Variants in CASP4 observed in about 807,000 individuals in gnomAD.
The protein encoded by CASP4 is caspase 4.
A neutral mutation model predicts 41.3 loss-of-function variants in CASP4; 29 were observed. The observed-to-expected ratio is 0.70, with a 90% confidence interval of 0.52 to 0.96. The LOEUF is 0.96. CASP4 is among the 40% of genes least tolerant of loss of function. The pLI, the probability that CASP4 is intolerant of heterozygous loss-of-function variation, is 0.00. For synonymous variants in CASP4, 185 were observed against 158.4 expected (o/e 1.17, Z -1.26); for missense variants, 447 against 460.6 (o/e 0.97, Z 0.27).
At chr11:104,949,817 C>T (rs777350742) in intron 4 of CASP4, 40 bp from the exon 5 acceptor site, 6 of 1,591,570 alleles carry the variant, frequency 3.8e-6, no homozygotes, top group Middle Eastern at 1.7e-4. Context: ...AGAGAAGCAT[C>T]ACAATTAAAG....
rs72978981 is a variant in CASP4, at chr11:104,968,573, G to C, written c.-48C>G. ...TTACAGCGTTGGAAAGAGCCTCAGA[G>C]TCAAAAATGAAAGTAAACTATGTAT... On this transcript the variant is annotated 5_prime_UTR_variant, in exon 1 of 9. Coordinates refer to ENST00000444739, the MANE Select transcript of CASP4 (RefSeq NM_001225.4). The C allele has an allele frequency of 0.049, 78,202 of 1,602,894 alleles. 2,322 individuals are homozygous for C. The highest frequency in any genetic ancestry group is 0.1 in the South Asian group (9,120 of 90,664).
intron 6 of CASP4, 180 bp from the exon 7 acceptor site, chr11:104,947,372 C>A (rs1860490463): frequency 5.0e-6 from 2 of 402,102 alleles, no homozygotes; most frequent in Non-Finnish European, 4.4e-6. Context: ...AACAGAAAAC[C>A]TAGCAAAAGG....
At chr11:104,963,673 C>A (rs766342284) in intron 1 of CASP4, among the ~76,000 whole-genome samples, 1 of 152,182 alleles carries the variant, frequency 6.6e-6, no homozygotes, top group Non-Finnish European at 1.5e-5. Context: ...GGAAACATCC[C>A]CATGCCTGAC....
At chr11:104,948,914 G>C (rs1488532991) in intron 5 of CASP4, 6 of 328,986 alleles carry the variant, frequency 1.8e-5, no homozygotes, top group African/African-American at 1.3e-4. Context: ...CCATTTTCTA[G>C]AAAAAAAATC....
chr11:104,943,976 G>A (rs1314764008), intron 8 of CASP4: 1 of 152,184 alleles, frequency 6.6e-6, no homozygotes, highest in Non-Finnish European at 1.5e-5. Context: ...AAGCTATTAT[G>A]AGTGAAGAAA....
chr11:104,944,446 A>G, intron 8 of CASP4: 1 of 294,972 alleles, frequency 3.4e-6, no homozygotes, highest in South Asian at 4.1e-5. Context: ...GAATATAAAT[A>G]GTAATGGAAG....
intron 1 of CASP4, among the ~76,000 whole-genome samples, chr11:104,966,934 G>C (rs1002126932): frequency 1.3e-5 from 2 of 152,174 alleles, no homozygotes; most frequent in Non-Finnish European, 2.9e-5. Context: ...AAATCAGAGA[G>C]AGTGCATGAA....
At chr11:104,955,174 A>T (rs1402534656) in intron 1 of CASP4, among the ~76,000 whole-genome samples, 173 bp from the exon 2 acceptor site, 1 of 152,070 alleles carries the variant, frequency 6.6e-6, no homozygotes, top group African/African-American at 2.4e-5. Context: ...CAGGTTGTTT[A>T]ACAATTTATT....
chr11:104,951,761 C>T (rs1860618341), intron 3 of CASP4, 135 bp downstream of exon 3: 2 of 697,874 alleles, frequency 2.9e-6, no homozygotes, highest in South Asian at 1.5e-5. Flanking sequence ...ATAATCTTTC[C>T]CTTAGTAAAA....
chr11:104,949,067 T>A (rs1352308079), intron 5 of CASP4: 2 of 218,990 alleles, frequency 9.1e-6, no homozygotes, highest in East Asian at 2.1e-4. Context: ...CATGAGGCAA[T>A]TGAATCTTTG....
At chr11:104,955,700 T>A (rs367616009) in intron 1 of CASP4, among the ~76,000 whole-genome samples, 4 of 152,248 alleles carry the variant, frequency 2.6e-5, no homozygotes, top group South Asian at 4.1e-4. Flanking sequence ...TTTGACACCA[T>A]GTTAATGTAT....
At chr11:104,954,716 G>C (rs750340377) in intron 2 of CASP4, 31 bp downstream of exon 2, 10 of 1,601,904 alleles carry the variant, frequency 6.2e-6, no homozygotes, top group Non-Finnish European at 7.7e-6. Flanking sequence ...AGGGAAAATT[G>C]AGACATTCAT....
At chr11:104,964,875 C>G (rs1860938496) in intron 1 of CASP4, among the ~76,000 whole-genome samples, 1 of 152,098 alleles carries the variant, frequency 6.6e-6, no homozygotes, top group Non-Finnish European at 1.5e-5. Context: ...GAACAGAGTT[C>G]CATCAAAGCC....
chr11:104,948,826 A>ACACACT, intron 5 of CASP4, 150 bp from the exon 6 acceptor site: 1 of 469,356 alleles, frequency 2.1e-6, no homozygotes, highest in East Asian at 3.2e-5. Flanking sequence ...AGAGACACAC[A>ACACACT]CACACACACA....
At chr11:104,966,085 A>G (rs1860968563) in intron 1 of CASP4, among the ~76,000 whole-genome samples, 1 of 152,186 alleles carries the variant, frequency 6.6e-6, no homozygotes, top group South Asian at 2.1e-4. Flanking sequence ...GACTGATTTA[A>G]GTAATAATAA....
At chr11:104,950,526 C>T (rs760948271) in intron 4 of CASP4, among the ~76,000 whole-genome samples, 1 of 152,030 alleles carries the variant, frequency 6.6e-6, no homozygotes, top group African/African-American at 2.4e-5. Context: ...AACTTCCTGT[C>T]TCATTTACAG....
intron 5 of CASP4, 21 bp downstream of exon 5, chr11:104,949,522 A>G (rs1185522048): frequency 6.2e-7 from 1 of 1,609,280 alleles, no homozygotes; most frequent in Non-Finnish European, 8.5e-7. Flanking sequence ...TAACTGTTAG[A>G]TGTTCAGTCT....
rs371021310 is a variant in CASP4 at position 104,947,485 on chromosome 11, C to T, written c.926-293G>A. 7 of 193,764 alleles carry T rather than the reference C, an allele frequency of 3.6e-5. No homozygotes were observed. The East Asian group carries it at 6.9e-4, about 19-fold the overall frequency. The allele number at this position is 193,764 out of a possible 1,614,324, so 12.0% of individuals were successfully genotyped here. On this transcript the variant is annotated intron_variant, in intron 6 of 8. Transcript: ENST00000444739. ...ACTACAAAACTCATGTTCATTCTCT[C>T]AGCTTTTATAGGGGCTTGAGAAATA...
chr11:104,954,730 A>G lies in CASP4; in HGVS notation c.262+17T>C. ...TAGGGAAAATTGAGACATTCATTGT[A>G]AAAAATCCAGTCTTACCTTTTTTAT... On this transcript the variant is annotated intron_variant, in intron 2 of 8. Coordinates refer to ENST00000444739, the MANE Select transcript of CASP4 (RefSeq NM_001225.4). 1 of 1,609,336 alleles carries G rather than the reference A, an allele frequency of 6.2e-7. No homozygotes were observed. The highest frequency in any genetic ancestry group is 8.5e-7 in the Non-Finnish European group (1 of 1,177,360).
Sources: gnomAD v4.1 joint callset for allele counts (sites outside exome capture counted in the v4.1 genomes callset) on GRCh38, gnomAD v4.1.1 for gene constraint, MANE v1.5 for transcripts, NCBI Gene and HGNC (gene_info 2026-07-23, HGNC 2026-07-21) for gene names.